The following ST6GALNAC3 variants were observed in gnomAD, a reference collection of about 807,000 sequenced individuals.
ST6GALNAC3 encodes the protein ST6 N-acetylgalactosaminide alpha-2,6-sialyltransferase 3, also known as alpha-N-acetylgalactosaminide alpha-2,6-sialyltransferase 3.
Under a neutral mutation model 32.7 loss-of-function variants are expected in ST6GALNAC3, and 25 were observed. The observed-to-expected ratio is 0.76, with a 90% CI of 0.56 to 1.07. The LOEUF (loss-of-function observed/expected upper bound fraction) is 1.07. Among genes scored for constraint, ST6GALNAC3 ranks in the 50% least tolerant of loss-of-function variants. The pLI is 0.00. For missense variants in ST6GALNAC3, 355 were observed against 382.4 expected (o/e 0.93, Z 0.60); for synonymous variants, 129 against 133.1 (o/e 0.97, Z 0.21).
At chr1:76,100,455 T>C (rs1320271987) in intron 1 of ST6GALNAC3, among the ~76,000 whole-genome samples, 3 of 152,210 alleles carry the variant, frequency 2.0e-5, no homozygotes, top group African/African-American at 7.2e-5. Flanking sequence ...TTATTATATG[T>C]ATTTTCTGCT....
chr1:76,329,774 C>A (rs1647151667), intron 2 of ST6GALNAC3, among the ~76,000 whole-genome samples: 1 of 151,750 alleles, frequency 6.6e-6, no homozygotes, highest in Non-Finnish European at 1.5e-5. Flanking sequence ...TTATATTCTC[C>A]ATTTTTATTC....
In ST6GALNAC3 at chr1:76,217,530, TTC is replaced by T. The variant is rs201561856; in HGVS notation, c.19-96274_19-96273del. On this transcript the variant is annotated intron_variant, in intron 1 of 4. Transcript: ENST00000328299. ...CACAACTTCTTCTTATTATTATTAT[TTC>T]AATAGGATTTGGGAGAACCAGTGGT... 9.9e-3 allele frequency among the ~76,000 whole-genome samples: 1,502 copies of T among 152,310 alleles called. 8 individuals are homozygous for T. The highest frequency in any genetic ancestry group is 0.024 in the Middle Eastern group (7 of 294).
intron 3 of ST6GALNAC3, among the ~76,000 whole-genome samples, chr1:76,510,531 G>C (rs1661789990): frequency 6.6e-6 from 1 of 152,158 alleles, no homozygotes; most frequent in African/African-American, 2.4e-5. Flanking sequence ...AGAAAGTGAA[G>C]ACAGAGTATA....
At chr1:76,110,976 A>G (rs1268563725) in intron 1 of ST6GALNAC3, among the ~76,000 whole-genome samples, 1 of 152,198 alleles carries the variant, frequency 6.6e-6, no homozygotes, top group African/African-American at 2.4e-5. Flanking sequence ...AAGAAAATAG[A>G]GGAGAAGAGA....
At position 76,436,001 on chromosome 1, in the gene ST6GALNAC3, C is replaced by A. The variant is rs544356504; in HGVS notation, c.623+23584C>A. Among the ~76,000 whole-genome samples the A allele has an allele frequency of 8.7e-4, 133 of 152,160 alleles. 1 individual carries two copies. The highest frequency in any genetic ancestry group is 2.9e-3 in the African/African-American group (122 of 41,540). On this transcript the variant is annotated intron_variant, in intron 3 of 4. Coordinates refer to ENST00000328299, the MANE Select transcript of ST6GALNAC3 (RefSeq NM_152996.4). The stretch of plus-strand genomic sequence containing the variant: ...GTACACACTGCACCCAATTTGTAGT[C>A]TTTTATCCCTCACTCCCTTCCCACC...
At chr1:76,304,306 G>T (rs1243147324) in intron 1 of ST6GALNAC3, among the ~76,000 whole-genome samples, 1 of 151,772 alleles carries the variant, frequency 6.6e-6, no homozygotes, top group Admixed American at 6.6e-5. Context: ...AATTAAGGGG[G>T]AATCTTTCTC....
Position 76,628,820 on chromosome 1 carries a change from G to T in ST6GALNAC3, c.*14G>T, listed in dbSNP as rs371628000. On this transcript the variant is annotated 3_prime_UTR_variant, in exon 5 of 5. Coordinates refer to ENST00000328299, the MANE Select transcript of ST6GALNAC3 (RefSeq NM_152996.4). ...ACATTGTCTTGATAATGGTTTTCCT[G>T]ATCTTGCCGCATCACTTAATGTGAT... The T allele has an allele frequency of 3.7e-5, 59 of 1,608,412 alleles. No individual in the cohort carries two copies. Among genetic ancestry groups the T allele is most frequent in the Non-Finnish European group, 4.8e-5 (57 of 1,177,618 alleles).
At chr1:76,382,313 A>T (rs1398046362) in intron 2 of ST6GALNAC3, among the ~76,000 whole-genome samples, 1 of 152,218 alleles carries the variant, frequency 6.6e-6, no homozygotes, top group African/African-American at 2.4e-5. Flanking sequence ...ATATATTGGG[A>T]TTATCAGACA....
chr1:76,254,792 T>A (rs1248024163), intron 1 of ST6GALNAC3, among the ~76,000 whole-genome samples: 1 of 152,112 alleles, frequency 6.6e-6, no homozygotes, highest in Non-Finnish European at 1.5e-5. Flanking sequence ...TTATTAGTGA[T>A]TCATGAATCC....
intron 3 of ST6GALNAC3, among the ~76,000 whole-genome samples, chr1:76,472,339 C>T (rs901752442): frequency 7.2e-5 from 11 of 152,106 alleles, no homozygotes; most frequent in Admixed American, 3.9e-4. Context: ...CCTCTTTTGT[C>T]GTTTCTCTTC....
chr1:76,474,224 G>A (rs1424796816), intron 3 of ST6GALNAC3, among the ~76,000 whole-genome samples: 1 of 152,142 alleles, frequency 6.6e-6, no homozygotes, highest in Non-Finnish European at 1.5e-5. Context: ...AGTTTTGAGA[G>A]CTTTATTATG....
chr1:76,133,366 C>G (rs1186816417), intron 1 of ST6GALNAC3, among the ~76,000 whole-genome samples: 3 of 152,162 alleles, frequency 2.0e-5, no homozygotes, highest in Admixed American at 6.5e-5. Flanking sequence ...GGCCTTCAGT[C>G]TGCATTGGAG....
At chr1:76,306,558 C>T (rs1288935061) in intron 1 of ST6GALNAC3, among the ~76,000 whole-genome samples, 2 of 142,746 alleles carry the variant, frequency 1.4e-5, no homozygotes, top group Non-Finnish European at 3.1e-5. Context: ...AAAATCAAGG[C>T]AATAGAGTTT....
chr1:76,245,943 T>C (rs1657233276), intron 1 of ST6GALNAC3, among the ~76,000 whole-genome samples: 1 of 152,170 alleles, frequency 6.6e-6, no homozygotes, highest in Admixed American at 6.5e-5. Flanking sequence ...CAGAGCTGAG[T>C]TGAAGTCCTG....
chr1:76,611,066 G>T (rs1396778205), intron 3 of ST6GALNAC3, among the ~76,000 whole-genome samples: 2 of 136,888 alleles, frequency 1.5e-5, no homozygotes, highest in African/African-American at 6.1e-5. Context: ...TTCCAGGTGA[G>T]GTATATATAT....
rs547564804 is a variant in ST6GALNAC3 at position 76,131,855 on chromosome 1, T to A, written c.18+56971T>A. Among the ~76,000 whole-genome samples the A allele has an allele frequency of 2.6e-5, 4 of 152,302 alleles. No homozygotes were observed. The South Asian group carries it at 8.3e-4, about 32-fold the overall frequency. ...TAAATATTGCTCTGGGTAGGTGCAG[T>A]GCATATTCCTGCAGGTGACCCTGGT... is the stretch of plus-strand genomic sequence containing the variant. On this transcript the variant is annotated intron_variant, in intron 1 of 4. Transcript: ENST00000328299.
intron 1 of ST6GALNAC3, among the ~76,000 whole-genome samples, chr1:76,122,532 G>A (rs1047934568): frequency 2.0e-5 from 3 of 152,152 alleles, no homozygotes; most frequent in Non-Finnish European, 4.4e-5. Context: ...AAGGTGAACC[G>A]AAGACTCCTT....
chr1:76,329,020 T>A (rs1647135523), intron 2 of ST6GALNAC3, among the ~76,000 whole-genome samples: 1 of 152,178 alleles, frequency 6.6e-6, no homozygotes, highest in South Asian at 2.1e-4. Context: ...AATTCTCCTT[T>A]TCATGAAATA....
At chr1:76,266,402 G>A (rs894401020) in intron 1 of ST6GALNAC3, among the ~76,000 whole-genome samples, 2 of 152,116 alleles carry the variant, frequency 1.3e-5, no homozygotes, top group African/African-American at 2.4e-5. Flanking sequence ...GGTCTCAAAG[G>A]GAGTTGTCTC....
Sources: allele counts gnomAD v4.1 joint callset (sites outside exome capture counted in the v4.1 genomes callset), GRCh38; gene constraint gnomAD v4.1.1; transcripts MANE v1.5; gene names NCBI Gene and HGNC (gene_info 2026-07-23, HGNC 2026-07-21).